CSGALNACT1: variants seen among roughly 807,000 people sequenced by gnomAD.
CSGALNACT1 encodes beta4GalNAcT-1.
CSGALNACT1 carries 52 observed loss-of-function variants against 51.0 expected under a neutral mutation model. The ratio of observed to expected loss-of-function variants is 1.02; its 90% CI spans 0.82 to 1.29. CSGALNACT1 has a LOEUF of 1.29. Among genes scored for constraint, CSGALNACT1 ranks in the 50% most tolerant of loss-of-function variants. CSGALNACT1 has a pLI of 0.00. For synonymous variants in CSGALNACT1, 341 were observed against 254.4 expected (o/e 1.34, Z -3.24); for missense variants, 935 against 679.2 (o/e 1.38, Z -4.19).
chr8:19,513,235 C>A (rs1024436403), intron 3 of CSGALNACT1, among the ~76,000 whole-genome samples: 6 of 151,770 alleles, frequency 4.0e-5, no homozygotes, highest in Non-Finnish European at 5.9e-5. Flanking sequence ...TGGTAGCACC[C>A]AGGACATAGG....
At chr8:19,618,040 G>A (rs555840515) in intron 1 of CSGALNACT1, among the ~76,000 whole-genome samples, 26 of 151,512 alleles carry the variant, frequency 1.7e-4, no homozygotes, top group African/African-American at 2.4e-4. Flanking sequence ...CACCACTTCC[G>A]GCTGATTTTT....
intron 3 of CSGALNACT1, among the ~76,000 whole-genome samples, chr8:19,550,981 A>T (rs1244541001): frequency 6.6e-6 from 1 of 151,834 alleles, no homozygotes; most frequent in East Asian, 1.9e-4. Flanking sequence ...GGCTCCCACT[A>T]CTCCTTATTC....
At chr8:19,453,683 G>C (rs968533284) in intron 5 of CSGALNACT1, among the ~76,000 whole-genome samples, 1 of 152,120 alleles carries the variant, frequency 6.6e-6, no homozygotes, top group Non-Finnish European at 1.5e-5. Flanking sequence ...AGGCTGAGGT[G>C]GGCAGATCCC....
chr8:19,626,272 G>C (rs765213301), intron 1 of CSGALNACT1, among the ~76,000 whole-genome samples: 1 of 152,098 alleles, frequency 6.6e-6, no homozygotes, highest in African/African-American at 2.4e-5. Flanking sequence ...CTTTACGTAA[G>C]AATGGCCAGC....
chr8:19,558,352 C>G (rs927538464), intron 3 of CSGALNACT1, among the ~76,000 whole-genome samples: 2 of 152,128 alleles, frequency 1.3e-5, no homozygotes, highest in African/African-American at 4.8e-5. Flanking sequence ...AAAGTAGGAA[C>G]CCTCTTCATG....
At chr8:19,439,297 G>A (rs748464377) in intron 6 of CSGALNACT1, among the ~76,000 whole-genome samples, 1 of 152,240 alleles carries the variant, frequency 6.6e-6, no homozygotes, top group Non-Finnish European at 1.5e-5. Context: ...AACTGAGTAA[G>A]TTTGATCAAG....
intron 3 of CSGALNACT1, among the ~76,000 whole-genome samples, chr8:19,513,258 A>T (rs933099113): frequency 7.2e-5 from 11 of 151,944 alleles, no homozygotes; most frequent in African/African-American, 2.7e-4. Flanking sequence ...GATAGCGACA[A>T]TGTGGGAGAA....
At chr8:19,456,537 G>C (rs1283104267) in intron 5 of CSGALNACT1, among the ~76,000 whole-genome samples, 1 of 152,204 alleles carries the variant, frequency 6.6e-6, no homozygotes, top group Non-Finnish European at 1.5e-5. Flanking sequence ...AGTCATTCTG[G>C]AGATGTAATG....
At chr8:19,577,467 G>A (rs1347869183) in intron 3 of CSGALNACT1, among the ~76,000 whole-genome samples, 1 of 151,318 alleles carries the variant, frequency 6.6e-6, no homozygotes, top group African/African-American at 2.4e-5. Flanking sequence ...AGGCTGAAGT[G>A]AGAGGATTTC....
chr8:19,450,189 A>AGAGGGG (rs1316459466), intron 5 of CSGALNACT1, among the ~76,000 whole-genome samples: 1 of 54,544 alleles, frequency 1.8e-5, no homozygotes, highest in African/African-American at 7.6e-5. Flanking sequence ...AGGAAGAGGG[A>AGAGGGG]GAGGGGGAGG....
At chr8:19,586,348 G>C (rs2046634627) in intron 3 of CSGALNACT1, among the ~76,000 whole-genome samples, 1 of 148,834 alleles carries the variant, frequency 6.7e-6, no homozygotes, top group Non-Finnish European at 1.5e-5. Flanking sequence ...AACAGAGCAA[G>C]ACTCCATCTC....
intron 1 of CSGALNACT1, among the ~76,000 whole-genome samples, chr8:19,608,631 G>A (rs773478464): frequency 1.3e-5 from 2 of 152,138 alleles, no homozygotes; most frequent in Non-Finnish European, 2.9e-5. Context: ...CAACACTTAG[G>A]ACAACTGCCC....
At chr8:19,694,226 C>G (rs929596986) in intron 1 of CSGALNACT1, among the ~76,000 whole-genome samples, 1 of 152,142 alleles carries the variant, frequency 6.6e-6, no homozygotes, top group Non-Finnish European at 1.5e-5. Flanking sequence ...AAAGATACAA[C>G]AGATGTACAA....
intron 3 of CSGALNACT1, among the ~76,000 whole-genome samples, chr8:19,550,939 A>G (rs1397969937): frequency 6.6e-6 from 1 of 152,168 alleles, no homozygotes; most frequent in Non-Finnish European, 1.5e-5. Context: ...ACATACCTGC[A>G]AGGGTATTTG....
chr8:19,725,992 T>C (rs768105889), intron 1 of CSGALNACT1, among the ~76,000 whole-genome samples: 1 of 152,152 alleles, frequency 6.6e-6, no homozygotes, highest in Non-Finnish European at 1.5e-5. Context: ...GAGCCACAAT[T>C]ATAGTATCAT....
intron 4 of CSGALNACT1, among the ~76,000 whole-genome samples, chr8:19,473,388 A>T (rs910078934): frequency 7.9e-5 from 12 of 152,054 alleles, no homozygotes; most frequent in Non-Finnish European, 1.6e-4. Flanking sequence ...TAGTTGTAAA[A>T]CCCTGCCTTG....
intron 1 of CSGALNACT1, among the ~76,000 whole-genome samples, chr8:19,746,266 G>T (rs967079358): frequency 2.6e-5 from 4 of 152,014 alleles, no homozygotes; most frequent in African/African-American, 9.7e-5. Context: ...GTTCATCTAT[G>T]TAACTCCAGC....
chr8:19,450,496 A>G (rs1586287327), intron 5 of CSGALNACT1, among the ~76,000 whole-genome samples: 1 of 152,120 alleles, frequency 6.6e-6, no homozygotes, highest in East Asian at 1.9e-4. Flanking sequence ...CATCCGGGGG[A>G]GAAGAAACTT....
chr8:19,440,172 G>A (rs1169371731), intron 5 of CSGALNACT1, among the ~76,000 whole-genome samples: 1 of 152,118 alleles, frequency 6.6e-6, no homozygotes, highest in Non-Finnish European at 1.5e-5. Flanking sequence ...CTGATGCAAG[G>A]CACCTCAGGT....
Sources: allele counts gnomAD v4.1 joint callset (sites outside exome capture counted in the v4.1 genomes callset), GRCh38; gene constraint gnomAD v4.1.1; transcripts MANE v1.5; gene names NCBI Gene and HGNC (gene_info 2026-07-23, HGNC 2026-07-21).